The following KATNBL1 variants were observed in gnomAD, a reference collection of about 807,000 sequenced individuals.
KATNBL1 encodes KATNB1-like protein 1.
In KATNBL1, 28 loss-of-function variants were observed where a neutral mutation model predicts 44.7. The observed-to-expected ratio is 0.63, with a 90% CI of 0.46 to 0.86. KATNBL1 has a LOEUF of 0.86. Ranked by LOEUF, KATNBL1 falls within the 40% of genes least tolerant of loss-of-function variation. KATNBL1 has a pLI of 0.00. For synonymous variants in KATNBL1, 78 were observed against 114.9 expected, an observed-to-expected ratio of 0.68 and a Z score of 2.06; for missense variants, 272 against 350.7, an observed-to-expected ratio of 0.78 and a Z score of 1.79.
chr15:34,189,387 G>A (rs535850289), intron 1 of KATNBL1, among the ~76,000 whole-genome samples: 7 of 152,300 alleles, frequency 4.6e-5, no homozygotes, highest in African/African-American at 1.7e-4. Context: ...ACACCACCTC[G>A]CATTTGATAA....
At chr15:34,165,423 G>C (rs1312780690) in intron 1 of KATNBL1, among the ~76,000 whole-genome samples, 1 of 152,148 alleles carries the variant, frequency 6.6e-6, no homozygotes, top group Non-Finnish European at 1.5e-5. Flanking sequence ...TAAAAGGTTT[G>C]TAAAGACATA....
At chr15:34,189,738 C>A (rs910417538) in intron 1 of KATNBL1, among the ~76,000 whole-genome samples, 1 of 152,100 alleles carries the variant, frequency 6.6e-6, no homozygotes, top group African/African-American at 2.4e-5. Flanking sequence ...GCAGTTTACT[C>A]AAAAAGTAAA....
At chr15:34,182,492 T>C (rs1443582560) in intron 1 of KATNBL1, among the ~76,000 whole-genome samples, 1 of 152,148 alleles carries the variant, frequency 6.6e-6, no homozygotes, top group Non-Finnish European at 1.5e-5. Context: ...TCATCCAAAC[T>C]AGGACACTTT....
At chr15:34,173,706 C>T (rs778387447) in intron 1 of KATNBL1, among the ~76,000 whole-genome samples, 26 of 151,984 alleles carry the variant, frequency 1.7e-4, no homozygotes, top group Admixed American at 3.3e-4. Flanking sequence ...AAAGTATCCA[C>T]AAAAATGAAA....
intron 1 of KATNBL1, among the ~76,000 whole-genome samples, chr15:34,169,292 T>G (rs1889083613): frequency 6.6e-6 from 1 of 152,126 alleles, no homozygotes; most frequent in Non-Finnish European, 1.5e-5. Context: ...CAAACTGCCA[T>G]CAGAGAATAC....
At chr15:34,179,336 A>G (rs74867809) in intron 1 of KATNBL1, among the ~76,000 whole-genome samples, 9,505 of 152,258 alleles carry the variant, frequency 0.062, 362 homozygotes, top group Middle Eastern at 0.11. Flanking sequence ...CACTTTAACA[A>G]TAATGAACCT....
rs575927384 is a variant in KATNBL1, at chr15:34,199,221, G to A, written c.-15+10730C>T. ...TGGGAGGCTGACGTGGGCGGATCACGAGGTCAGGGGTTTGAGACCAGTCTG... is the reference window on the plus strand; with the variant it reads ...TGGGAGGCTGACGTGGGCGGATCACAAGGTCAGGGGTTTGAGACCAGTCTG... On this transcript the variant is annotated intron_variant, in intron 1 of 9. Coordinates refer to ENST00000256544, the MANE Select transcript of KATNBL1 (RefSeq NM_024713.3). Among the ~76,000 whole-genome samples the A allele has an allele frequency of 4.6e-5, 7 of 152,270 alleles. No individual in the cohort carries two copies. In the South Asian group the frequency reaches 1.2e-3, roughly 27 times the overall value.
chr15:34,147,441 A>G lies in KATNBL1; in HGVS notation c.558-11T>C, dbSNP rs750533927. ...CCAAGATCTTCTATCCTGAGAGTAT[A>G]AAAAGAATAGCATTGCCTTAGAGAG... On this transcript the variant is annotated splice_polypyrimidine_tract_variant and intron_variant, in intron 5 of 9. Coordinates refer to ENST00000256544, the MANE Select transcript of KATNBL1 (RefSeq NM_024713.3). 1.9e-6 allele frequency: 3 copies of G among 1,608,204 alleles called. No homozygotes were observed. The highest frequency in any genetic ancestry group is 2.6e-6 in the Non-Finnish European group (3 of 1,174,844).
At chr15:34,148,851 A>G in intron 4 of KATNBL1, 101 bp from the exon 5 acceptor site, 1 of 672,458 alleles carries the variant, frequency 1.5e-6, no homozygotes, top group Non-Finnish European at 2.7e-6. Flanking sequence ...AAAATCATGC[A>G]AAAGTAACTC....
intron 1 of KATNBL1, among the ~76,000 whole-genome samples, chr15:34,203,881 G>C (rs1415805376): frequency 1.3e-5 from 2 of 152,012 alleles, no homozygotes; most frequent in Non-Finnish European, 2.9e-5. Flanking sequence ...GCCCTGTTGG[G>C]GGGTGGGGGG....
rs552771659 is a variant in KATNBL1, at chr15:34,174,698, C to G, written c.-14-11008G>C. Among the ~76,000 whole-genome samples, 261 of 152,028 alleles carry G rather than the reference C, an allele frequency of 1.7e-3. 1 individual carries two copies. Among genetic ancestry groups the G allele is most frequent in the Middle Eastern group, 6.8e-3 (2 of 294 alleles). On this transcript the variant is annotated intron_variant, in intron 1 of 9. Transcript: ENST00000256544. ...TTTTTTCTTAATTCGCTTTGTCGCCCAGGTTGGAGTGAGTGGTGCGATCTC... is the reference window on the plus strand; with the variant it reads ...TTTTTTCTTAATTCGCTTTGTCGCCGAGGTTGGAGTGAGTGGTGCGATCTC...
intron 1 of KATNBL1, among the ~76,000 whole-genome samples, chr15:34,183,934 C>T (rs901839073): frequency 2.6e-5 from 4 of 152,190 alleles, no homozygotes; most frequent in East Asian, 1.9e-4. Flanking sequence ...TCTGGGAGGC[C>T]GAGGCAGGTG....
At chr15:34,161,693 G>C (rs1319846742) in intron 2 of KATNBL1, among the ~76,000 whole-genome samples, 2 of 152,194 alleles carry the variant, frequency 1.3e-5, no homozygotes, top group African/African-American at 4.8e-5. Flanking sequence ...TTTAAAGAGA[G>C]CAGGGGTATG....
In KATNBL1 at chr15:34,150,656, T is replaced by C. The variant is rs370936017; in HGVS notation, c.439-1906A>G. On this transcript the variant is annotated intron_variant, in intron 4 of 9. Transcript: ENST00000256544. Reference sequence around the variant, plus strand: ...GGGGCACATGTGCAGGTTTGTTATATAGGTAGTTTGCATGTTGTGGGGGTT... The same window carrying C: ...GGGGCACATGTGCAGGTTTGTTATACAGGTAGTTTGCATGTTGTGGGGGTT... Among the ~76,000 whole-genome samples the C allele has an allele frequency of 2.0e-5, 3 of 152,316 alleles. 1 individual carries two copies. The highest frequency in any genetic ancestry group is 3.9e-4 in the East Asian group (2 of 5,182).
intron 1 of KATNBL1, among the ~76,000 whole-genome samples, chr15:34,203,431 T>G (rs1028094077): frequency 6.6e-6 from 1 of 152,178 alleles, no homozygotes; most frequent in African/African-American, 2.4e-5. Flanking sequence ...CATTTCAAAC[T>G]TATTTCCATT....
chr15:34,147,158 G>T, intron 7 of KATNBL1, 42 bp downstream of exon 7: 2 of 1,253,784 alleles, frequency 1.6e-6, no homozygotes, highest in Non-Finnish European at 2.3e-6. Flanking sequence ...AATCAAGGAT[G>T]CTGAAAAAGA....
intron 1 of KATNBL1, chr15:34,208,385 A>C (rs953413874): frequency 2.6e-5 from 4 of 152,240 alleles, no homozygotes; most frequent in Non-Finnish European, 5.9e-5. Flanking sequence ...AATGACATTT[A>C]AAAGCTCTGC....
chr15:34,207,388 TA>T (rs750791047), intron 1 of KATNBL1, among the ~76,000 whole-genome samples: 6 of 152,022 alleles, frequency 3.9e-5, no homozygotes, highest in Non-Finnish European at 5.9e-5. Flanking sequence ...TTTTGTATTT[TA>T]AGTAGAGACA....
intron 1 of KATNBL1, among the ~76,000 whole-genome samples, chr15:34,181,853 G>GTCCATATACATA (rs1555529423): frequency 2.7e-5 from 2 of 75,016 alleles, no homozygotes; most frequent in African/African-American, 1.3e-4. Context: ...CATATATATA[G>GTCCATATACATA]TCCATATATA....
Sources: gnomAD v4.1 joint callset for allele counts (sites outside exome capture counted in the v4.1 genomes callset) on GRCh38, gnomAD v4.1.1 for gene constraint, MANE v1.5 for transcripts, NCBI Gene and HGNC (gene_info 2026-07-23, HGNC 2026-07-21) for gene names.